Variants in FREM3 observed in about 807,000 individuals in gnomAD.
FREM3 encodes FRAS1-related extracellular matrix protein 3.
FREM3 carries 105 observed loss-of-function variants against 129.1 expected under a neutral mutation model. The ratio of observed to expected loss-of-function variants is 0.81; its 90% CI spans 0.69 to 0.96. The LOEUF is 0.96. Ranked by LOEUF, FREM3 falls within the 40% of genes least tolerant of loss-of-function variation. The probability of loss-of-function intolerance (pLI) is 0.00; values close to 1 mark genes in which losing one functional copy is unlikely to be tolerated. For missense variants in FREM3, 2,593 were observed against 2,666.3 expected, an observed-to-expected ratio of 0.97 and a Z score of 0.61; for synonymous variants, 1,014 against 1,044.9, an observed-to-expected ratio of 0.97 and a Z score of 0.57.
chr4:143,698,407 C>T lies in FREM3; in HGVS notation c.2269G>A (p.Val757Ile), dbSNP rs1439222982. Residue 757 changes from valine (V) to isoleucine (I), a missense_variant, in exon 1 of 8, where the codon GTC becomes ATC. By Grantham distance (29) the Val-to-Ile change is conservative. Coordinates refer to ENST00000329798, the MANE Select transcript of FREM3 (RefSeq NM_001168235.2). ...LPTDTDGNHQ[V>I]RAGEIVLTDS... ...GTGAGCACAATTTCTCCAGCCCGGA[C>T]TTGGTGGTTGCCATCTGTGTCAGTC... is the stretch of plus-strand genomic sequence containing the variant. The T allele has an allele frequency of 6.5e-7, 1 of 1,537,866 alleles. No homozygotes were observed. The highest frequency in any genetic ancestry group is 8.7e-7 in the Non-Finnish European group (1 of 1,147,064).
chr4:143,620,567 T>C (rs931360317), intron 5 of FREM3, among the ~76,000 whole-genome samples: 2 of 152,152 alleles, frequency 1.3e-5, no homozygotes, highest in African/African-American at 4.8e-5. Context: ...GAACTCATGG[T>C]TGGGGGGCAT....
chr4:143,621,069 T>C lies in FREM3; in HGVS notation c.5747A>G (p.Gln1916Arg), dbSNP rs1172558921. The C allele has an allele frequency of 6.5e-7, 1 of 1,537,246 alleles. No homozygotes were observed. The highest frequency in any genetic ancestry group is 1.4e-5 in the African/African-American group (1 of 73,038). Reference protein sequence around the residue: ...IPVRRSGDASQELIVICSTRQ... With the variant: ...IPVRRSGDASRELIVICSTRQ... Reference sequence around the variant, plus strand: ...TGTGGAGCAAATGACGATTAGTTCCTGGCTTGCATCTCCAGATCGTCTTAC... The same window carrying C: ...TGTGGAGCAAATGACGATTAGTTCCCGGCTTGCATCTCCAGATCGTCTTAC... The change falls in exon 5 of 8, where the codon CAG becomes CGG. Residue 1916 changes from glutamine (Q) to arginine (R), a missense_variant. Physicochemically the swap from Gln to Arg is conservative, Grantham distance 43. Coordinates refer to ENST00000329798, the MANE Select transcript of FREM3 (RefSeq NM_001168235.2).
rs745517773 is a variant in FREM3 at position 143,700,006 on chromosome 4, C to T, written c.670G>A (p.Gly224Arg). ...PHEDGPLPKY[G>R]RLVDAVGAPL... Reference sequence around the variant, plus strand: ...GCCCCCACCGCGTCCACCAAGCGCCCGTACTTGGGCAGGGGGCCGTCCTCG... The same window carrying T: ...GCCCCCACCGCGTCCACCAAGCGCCTGTACTTGGGCAGGGGGCCGTCCTCG... Residue 224 changes from glycine (G) to arginine (R), a missense_variant, in exon 1 of 8, where the codon GGG becomes AGG. Physicochemically the swap from Gly to Arg is moderately radical, Grantham distance 125. Transcript: ENST00000329798. 35 of 1,502,170 alleles carry T rather than the reference C, an allele frequency of 2.3e-5. No homozygotes were observed. The highest frequency in any genetic ancestry group is 1.0e-4 in the South Asian group (8 of 78,626). 93.1% of individuals were successfully genotyped at this position (1,502,170 alleles called of 1,614,324 possible).
intron 6 of FREM3, among the ~76,000 whole-genome samples, chr4:143,594,648 A>G (rs563599084): frequency 4.8e-4 from 73 of 152,360 alleles, no homozygotes; most frequent in African/African-American, 1.7e-3. Flanking sequence ...GGTAAAAAAC[A>G]TTTGGATCAG....
intron 6 of FREM3, among the ~76,000 whole-genome samples, chr4:143,590,019 C>G (rs1738327456): frequency 6.6e-6 from 1 of 151,992 alleles, no homozygotes; most frequent in Admixed American, 6.6e-5. Flanking sequence ...AACGGGAGTT[C>G]ACTCATGATT....
intron 5 of FREM3, among the ~76,000 whole-genome samples, chr4:143,620,398 G>A (rs1315463843): frequency 6.6e-6 from 1 of 152,174 alleles, no homozygotes; most frequent in East Asian, 1.9e-4. Flanking sequence ...TTGTCATTTG[G>A]GTGGGCTTCA....
chr4:143,672,505 C>T (rs1029924922), intron 2 of FREM3, among the ~76,000 whole-genome samples: 1 of 152,230 alleles, frequency 6.6e-6, no homozygotes, highest in Non-Finnish European at 1.5e-5. Flanking sequence ...CCTGACCTTT[C>T]TCTCTGGCTG....
chr4:143,688,590 A>T (rs1323955358), intron 2 of FREM3, among the ~76,000 whole-genome samples: 1 of 152,160 alleles, frequency 6.6e-6, no homozygotes, highest in East Asian at 1.9e-4. Context: ...AAAAAGAACA[A>T]ACCTGGAGGC....
At chr4:143,655,632 A>G (rs1278919769) in intron 2 of FREM3, among the ~76,000 whole-genome samples, 2 of 152,194 alleles carry the variant, frequency 1.3e-5, no homozygotes, top group African/African-American at 4.8e-5. Flanking sequence ...CTAGGTCCAT[A>G]TGGCTCCATT....
At chr4:143,643,898 A>G (rs1739368308) in intron 2 of FREM3, among the ~76,000 whole-genome samples, 1 of 152,214 alleles carries the variant, frequency 6.6e-6, no homozygotes, top group South Asian at 2.1e-4. Context: ...TATTTAACAC[A>G]TACATTATGG....
At chr4:143,592,562 A>G (rs1738385887) in intron 6 of FREM3, among the ~76,000 whole-genome samples, 1 of 152,182 alleles carries the variant, frequency 6.6e-6, no homozygotes. Context: ...ATTGTTGAAT[A>G]TTGGCCCCCT....
In FREM3 at chr4:143,695,755, C is replaced by A; in HGVS notation, c.4921G>T (p.Ala1641Ser). 1 of 1,537,254 alleles carries A rather than the reference C, an allele frequency of 6.5e-7. No homozygotes were observed. The highest frequency in any genetic ancestry group is 8.7e-7 in the Non-Finnish European group (1 of 1,146,916). The change falls in exon 1 of 8, where the codon GCG becomes TCG. Residue 1641 changes from alanine (A) to serine (S), a missense_variant. By Grantham distance (99) the Ala-to-Ser change is moderately conservative. This residue lies in a region of FREM3 where 2,276 missense variants were observed against 2,267.2 expected (regional missense o/e 1.00). Coordinates refer to ENST00000329798, the MANE Select transcript of FREM3 (RefSeq NM_001168235.2). Reference protein sequence around the residue: ...DFYVLPDTALATHKPQVMRVQ... With the variant: ...DFYVLPDTALSTHKPQVMRVQ... Reference sequence around the variant, plus strand: ...CTCATTACTTGAGGTTTGTGTGTCGCCAGGGCAGTGTCTGGTAGGACATAG... The same window carrying A: ...CTCATTACTTGAGGTTTGTGTGTCGACAGGGCAGTGTCTGGTAGGACATAG...
rs899082940 is a variant in FREM3 at position 143,613,845 on chromosome 4, T to C, written c.5780-2318A>G. ...AGATACTGTAGACACTAGGCTCGCA[T>C]AGTAACTAACACTATCTTCACTAAA... On this transcript the variant is annotated intron_variant, in intron 5 of 7. Transcript: ENST00000329798. Among the ~76,000 whole-genome samples, 8 of 152,222 alleles carry C rather than the reference T, an allele frequency of 5.3e-5. No homozygotes were observed. In the South Asian group the frequency reaches 1.7e-3, roughly 32 times the overall value.
chr4:143,679,892 C>T (rs546313468), intron 2 of FREM3, among the ~76,000 whole-genome samples: 6 of 152,226 alleles, frequency 3.9e-5, no homozygotes, highest in Non-Finnish European at 7.3e-5. Context: ...TGAGATAAAT[C>T]GCCCTGATTC....
Position 143,696,136 on chromosome 4 carries a change from G to A in FREM3, c.4540C>T (p.Gln1514Ter). Residue 1514 changes from glutamine to a stop codon, truncating the protein, a stop_gained, in exon 1 of 8, where the codon CAA becomes TAA. Transcript: ENST00000329798. LOFTEE classifies it high-confidence loss of function. ...DEKKMDSFEF[Q>*]VIGELYPVFR... ...ACAGGGTAGAGTTCGCCGATCACTT[G>A]AAATTCGAAGCTGTCCATCTTTTTC... is the stretch of plus-strand genomic sequence containing the variant. 3.3e-6 allele frequency: 5 copies of A among 1,537,584 alleles called. No homozygotes were observed. The highest frequency in any genetic ancestry group is 4.4e-6 in the Non-Finnish European group (5 of 1,146,972).
intron 2 of FREM3, among the ~76,000 whole-genome samples, chr4:143,676,071 T>G (rs751989158): frequency 6.6e-6 from 1 of 152,194 alleles, no homozygotes; most frequent in Admixed American, 6.5e-5. Context: ...TACCAAAGTC[T>G]GGCAGAGACA....
intron 7 of FREM3, among the ~76,000 whole-genome samples, chr4:143,580,997 C>T (rs147114212): frequency 6.6e-6 from 1 of 152,308 alleles, no homozygotes; most frequent in East Asian, 1.9e-4. Flanking sequence ...TTCCTTGGGA[C>T]AGAGCTCCCA....
At chr4:143,625,200 C>A (rs1222313495) in intron 3 of FREM3, among the ~76,000 whole-genome samples, 7 of 152,196 alleles carry the variant, frequency 4.6e-5, no homozygotes, top group African/African-American at 1.7e-4. Flanking sequence ...GTTCAAGCAG[C>A]ATTCTAATAT....
intron 7 of FREM3, among the ~76,000 whole-genome samples, chr4:143,580,712 C>T (rs1738127679): frequency 1.3e-5 from 2 of 152,250 alleles, no homozygotes; most frequent in Non-Finnish European, 1.5e-5. Flanking sequence ...GGTAGCAGCC[C>T]TGCACTTCTC....
Sources: allele counts gnomAD v4.1 joint callset (sites outside exome capture counted in the v4.1 genomes callset), GRCh38; gene constraint gnomAD v4.1.1; regional missense constraint gnomAD v4.1.1; transcripts MANE v1.5; gene names NCBI Gene and HGNC (gene_info 2026-07-23, HGNC 2026-07-21).